The following GALNT13 variants were observed in gnomAD, a reference collection of about 807,000 sequenced individuals.
GALNT13 encodes UDP-GalNAc:polypeptide N-acetylgalactosaminyltransferase 13.
GALNT13 carries 28 observed loss-of-function variants against 64.2 expected under a neutral mutation model. The ratio of observed to expected loss-of-function variants is 0.44; its 90% CI spans 0.32 to 0.60. The LOEUF (loss-of-function observed/expected upper bound fraction) is 0.60. Ranked by LOEUF, GALNT13 falls within the 20% of genes least tolerant of loss-of-function variation. GALNT13 has a pLI of 0.05. For synonymous variants in GALNT13, 214 were observed against 224.6 expected, an observed-to-expected ratio of 0.95 and a Z score of 0.42; for missense variants, 577 against 669.8, an observed-to-expected ratio of 0.86 and a Z score of 1.53.
At chr2:154,213,203 C>A (rs894386724) in intron 4 of GALNT13, among the ~76,000 whole-genome samples, 2 of 152,138 alleles carry the variant, frequency 1.3e-5, no homozygotes, top group Admixed American at 1.3e-4. Flanking sequence ...CCAACCTCAG[C>A]CTCAGTGGCT....
At chr2:154,259,480 A>G (rs1056644867) in intron 8 of GALNT13, among the ~76,000 whole-genome samples, 5 of 152,172 alleles carry the variant, frequency 3.3e-5, no homozygotes, top group African/African-American at 1.2e-4. Context: ...ACTTGGAAGT[A>G]TTTATGTAAT....
At chr2:153,669,609 T>C in the GALNT13 span, among the ~76,000 whole-genome samples, 2 of 152,148 alleles carry the variant, frequency 1.3e-5, no homozygotes, top group East Asian at 1.9e-4. Flanking sequence ...CCCAGTGAGA[T>C]TGATGCAAAA....
intron 12 of GALNT13, among the ~76,000 whole-genome samples, chr2:154,444,908 G>A (rs1481430239): frequency 6.6e-6 from 1 of 151,790 alleles, no homozygotes; most frequent in East Asian, 1.9e-4. Context: ...GATTATTTTA[G>A]TGATAGAAAA....
the GALNT13 span, among the ~76,000 whole-genome samples, chr2:153,267,569 G>A: frequency 6.6e-6 from 1 of 152,180 alleles, no homozygotes; most frequent in African/African-American, 2.4e-5. Context: ...GAGCTGGAGT[G>A]GCAGGAACCC....
chr2:153,367,749 G>A, the GALNT13 span, among the ~76,000 whole-genome samples: 1 of 152,004 alleles, frequency 6.6e-6, no homozygotes, highest in Non-Finnish European at 1.5e-5. Flanking sequence ...TTTTTTTACA[G>A]CAGCAATAAT....
At chr2:154,056,963 A>G (rs1699924194) in intron 3 of GALNT13, among the ~76,000 whole-genome samples, 1 of 148,296 alleles carries the variant, frequency 6.7e-6, no homozygotes, top group Admixed American at 6.6e-5. Flanking sequence ...ACCTAAAACT[A>G]AAGAAAACAT....
At chr2:154,369,808 A>T (rs1267151468) in intron 9 of GALNT13, among the ~76,000 whole-genome samples, 1 of 152,154 alleles carries the variant, frequency 6.6e-6, no homozygotes, top group East Asian at 1.9e-4. Context: ...GGTGTCAATG[A>T]AGTTTCATTC....
chr2:153,070,335 A>G, the GALNT13 span, among the ~76,000 whole-genome samples: 1 of 152,176 alleles, frequency 6.6e-6, no homozygotes, highest in African/African-American at 2.4e-5. Context: ...GGGATGAATT[A>G]AGTAGAGCAT....
the GALNT13 span, among the ~76,000 whole-genome samples, chr2:153,458,670 A>C: frequency 6.6e-6 from 1 of 152,128 alleles, no homozygotes; most frequent in African/African-American, 2.4e-5. Context: ...ATTTTTGTAC[A>C]TTGTTGTATT....
the GALNT13 span, among the ~76,000 whole-genome samples, chr2:153,602,928 C>T: frequency 6.6e-6 from 1 of 151,840 alleles, no homozygotes; most frequent in Non-Finnish European, 1.5e-5. Flanking sequence ...GAAGAAGATA[C>T]AAGATGGGTC....
At chr2:153,193,214 G>A in the GALNT13 span, among the ~76,000 whole-genome samples, 10 of 151,720 alleles carry the variant, frequency 6.6e-5, no homozygotes, top group African/African-American at 9.7e-5. Flanking sequence ...GTCCAACAAT[G>A]ATAGACTGGA....
the GALNT13 span, among the ~76,000 whole-genome samples, chr2:153,566,281 T>C: frequency 1.3e-5 from 2 of 150,744 alleles, no homozygotes; most frequent in East Asian, 3.9e-4. Context: ...TTTAAAGACT[T>C]AAAAATATAA....
At chr2:154,285,043 A>T (rs1692182013) in intron 8 of GALNT13, among the ~76,000 whole-genome samples, 1 of 152,118 alleles carries the variant, frequency 6.6e-6, no homozygotes, top group African/African-American at 2.4e-5. Flanking sequence ...TTATCTGTTC[A>T]GATCACTTGC....
At chr2:153,501,596 T>C in the GALNT13 span, among the ~76,000 whole-genome samples, 3 of 152,154 alleles carry the variant, frequency 2.0e-5, no homozygotes, top group South Asian at 4.1e-4. Context: ...CCACCCAACA[T>C]GCTGGGATTA....
chr2:154,023,531 GT>G (rs1221703639), intron 3 of GALNT13, among the ~76,000 whole-genome samples: 1 of 151,706 alleles, frequency 6.6e-6, no homozygotes, highest in Non-Finnish European at 1.5e-5. Flanking sequence ...GCCTTTTTTT[GT>G]TTTCCATTTG....
At chr2:153,817,253 G>A in the GALNT13 span, among the ~76,000 whole-genome samples, 1 of 152,306 alleles carries the variant, frequency 6.6e-6, no homozygotes, top group East Asian at 1.9e-4. Flanking sequence ...TCAGAGGTGG[G>A]TTTACCCACT....
chr2:154,211,709 A>G (rs541694466), intron 4 of GALNT13, among the ~76,000 whole-genome samples: 1 of 151,928 alleles, frequency 6.6e-6, no homozygotes, highest in East Asian at 1.9e-4. Context: ...CATTAAAATC[A>G]TATGAGACCA....
At chr2:153,495,138 A>T in the GALNT13 span, among the ~76,000 whole-genome samples, 1 of 152,106 alleles carries the variant, frequency 6.6e-6, no homozygotes, top group Non-Finnish European at 1.5e-5. Flanking sequence ...AACTAAAAAG[A>T]ATATACTAAG....
the GALNT13 span, among the ~76,000 whole-genome samples, chr2:153,813,854 G>C: frequency 6.6e-6 from 1 of 152,262 alleles, no homozygotes; most frequent in African/African-American, 2.4e-5. Flanking sequence ...AATTAATAGG[G>C]CTGTTTTTCT....
Sources: allele counts gnomAD v4.1 joint callset (sites outside exome capture counted in the v4.1 genomes callset), GRCh38; gene constraint gnomAD v4.1.1; transcripts MANE v1.5; gene names NCBI Gene and HGNC (gene_info 2026-07-23, HGNC 2026-07-21).